The following SLCO3A1 variants were observed in gnomAD, a reference collection of about 807,000 sequenced individuals.
SLCO3A1 encodes the protein PGE1 transporter.
SLCO3A1 carries 27 observed loss-of-function variants against 63.1 expected under a neutral mutation model. The observed-to-expected ratio is 0.43, with a 90% CI of 0.32 to 0.59. SLCO3A1 has a LOEUF of 0.59. Ranked by LOEUF, SLCO3A1 falls within the 20% of genes least tolerant of loss-of-function variation. The pLI, the probability that SLCO3A1 is intolerant of heterozygous loss-of-function variation, is 0.09. For missense variants in SLCO3A1, 773 were observed against 945.8 expected, an observed-to-expected ratio of 0.82 and a Z score of 2.40; for synonymous variants, 473 against 409.9, an observed-to-expected ratio of 1.15 and a Z score of -1.86.
At chr15:92,065,429 A>T (rs12917096) in intron 2 of SLCO3A1, among the ~76,000 whole-genome samples, 27 of 151,978 alleles carry the variant, frequency 1.8e-4, no homozygotes, top group Non-Finnish European at 2.9e-4. Flanking sequence ...TGCTTGTATC[A>T]GAATATCACA....
chr15:91,866,977 C>T (rs758833658), intron 1 of SLCO3A1, among the ~76,000 whole-genome samples: 2 of 152,090 alleles, frequency 1.3e-5, no homozygotes, highest in Non-Finnish European at 1.5e-5. Flanking sequence ...CAAGTGGAAC[C>T]GTTGGTGAGA....
intron 1 of SLCO3A1, among the ~76,000 whole-genome samples, chr15:91,899,603 C>T (rs1898101002): frequency 6.6e-6 from 1 of 152,064 alleles, no homozygotes; most frequent in South Asian, 2.1e-4. Context: ...TGTCTTTTTT[C>T]CATTTTATTG....
At chr15:92,134,332 A>T (rs1281959631) in intron 7 of SLCO3A1, among the ~76,000 whole-genome samples, 1 of 152,194 alleles carries the variant, frequency 6.6e-6, no homozygotes, top group African/African-American at 2.4e-5. Context: ...ATCAAACCCT[A>T]CTGGGGCATC....
chr15:91,867,088 T>C (rs1442540364), intron 1 of SLCO3A1, among the ~76,000 whole-genome samples: 1 of 152,170 alleles, frequency 6.6e-6, no homozygotes, highest in Admixed American at 6.5e-5. Flanking sequence ...CTGGGGCATG[T>C]CAGGGCTGGC....
chr15:91,994,441 G>A (rs2046165589), intron 2 of SLCO3A1, among the ~76,000 whole-genome samples: 1 of 152,230 alleles, frequency 6.6e-6, no homozygotes, highest in African/African-American at 2.4e-5. Context: ...AATTGAGCAA[G>A]CAGTCTACCC....
intron 1 of SLCO3A1, among the ~76,000 whole-genome samples, chr15:91,887,710 A>T (rs1029792434): frequency 6.6e-6 from 1 of 152,198 alleles, no homozygotes; most frequent in Non-Finnish European, 1.5e-5. Flanking sequence ...TTGATGAAAG[A>T]TATTCGAGGT....
At position 91,941,539 on chromosome 15, in the gene SLCO3A1, T is replaced by A. The variant is rs963613218; in HGVS notation, c.646+25081T>A. On this transcript the variant is annotated intron_variant, in intron 2 of 9. Coordinates refer to ENST00000318445, the MANE Select transcript of SLCO3A1 (RefSeq NM_013272.4). This position sits in a 1 kb window ranked among gnomAD's most constrained non-coding sequence, Gnocchi z 4.4. ...TACCTAGCTTTTCTGAGCCTCACTT[T>A]CTTGGCAATTAGATGAACCAGAGGT... The A allele has an allele frequency of 4.4e-6, 2 of 455,906 alleles. No homozygotes were observed. Among genetic ancestry groups the A allele is most frequent in the Admixed American group, 2.3e-5 (1 of 42,554 alleles). 28.2% of individuals were successfully genotyped at this position (455,906 alleles called of 1,614,324 possible). A position where few individuals can be genotyped will look rare whatever the true frequency, so the allele number is the denominator to read the frequency against.
chr15:91,880,395 C>CTGTGTGTGTGTGTGTGTG (rs71156619), intron 1 of SLCO3A1, among the ~76,000 whole-genome samples: 3 of 90,002 alleles, frequency 3.3e-5, no homozygotes, highest in East Asian at 5.2e-4. Context: ...CTCTCTCTCT[C>CTGTGTGTGTGTGTGTGTG]TCTCTCTCTC....
chr15:92,079,498 G>C (rs952486436), intron 2 of SLCO3A1, among the ~76,000 whole-genome samples: 5 of 152,242 alleles, frequency 3.3e-5, no homozygotes, highest in African/African-American at 4.8e-5. Flanking sequence ...TCTGTCCTCT[G>C]TACCTGAGCT....
At chr15:91,925,430 G>C (rs902511682) in intron 2 of SLCO3A1, among the ~76,000 whole-genome samples, 1 of 151,468 alleles carries the variant, frequency 6.6e-6, no homozygotes, top group Non-Finnish European at 1.5e-5. Flanking sequence ...CCTCACAGAA[G>C]AGTCTCTTGT....
chr15:91,990,240 G>A (rs2151443360), intron 2 of SLCO3A1, among the ~76,000 whole-genome samples: 1 of 152,286 alleles, frequency 6.6e-6, no homozygotes, highest in East Asian at 1.9e-4. Context: ...CTAGAGTTTT[G>A]TGAAATTGCT....
chr15:92,013,952 G>A (rs545527454), intron 2 of SLCO3A1, among the ~76,000 whole-genome samples: 81 of 152,292 alleles, frequency 5.3e-4, no homozygotes, highest in African/African-American at 1.9e-3. Context: ...GTAAAAGGCT[G>A]AGCGTACAGT....
At chr15:92,140,645 T>C (rs1241035506) in intron 7 of SLCO3A1, among the ~76,000 whole-genome samples, 1 of 152,188 alleles carries the variant, frequency 6.6e-6, no homozygotes, top group Non-Finnish European at 1.5e-5. Flanking sequence ...AGGACTTGCT[T>C]TATGAAACTG....
intron 2 of SLCO3A1, among the ~76,000 whole-genome samples, chr15:92,060,581 C>A (rs1029768003): frequency 9.2e-5 from 14 of 151,782 alleles, no homozygotes; most frequent in African/African-American, 2.9e-4. Context: ...CTCACTGCAA[C>A]CTCCGCCTCC....
At chr15:91,987,384 A>G (rs1292235773) in intron 2 of SLCO3A1, among the ~76,000 whole-genome samples, 1 of 152,188 alleles carries the variant, frequency 6.6e-6, no homozygotes, top group Non-Finnish European at 1.5e-5. Flanking sequence ...TGGGGATACA[A>G]CGGTGAACAA....
intron 2 of SLCO3A1, among the ~76,000 whole-genome samples, chr15:92,010,885 C>T (rs1000675124): frequency 1.3e-5 from 2 of 152,214 alleles, no homozygotes; most frequent in African/African-American, 4.8e-5. Flanking sequence ...CCCTACTCCT[C>T]ACCACCTCCA....
At chr15:92,047,716 T>C (rs1305786091) in intron 2 of SLCO3A1, among the ~76,000 whole-genome samples, 1 of 141,920 alleles carries the variant, frequency 7.0e-6, no homozygotes, top group African/African-American at 2.6e-5. Context: ...CCTGTGTCAT[T>C]CAAAACCTAT....
At position 91,907,904 on chromosome 15, in the gene SLCO3A1, A is replaced by G. The variant is rs145572488; in HGVS notation, c.181-8089A>G. Among the ~76,000 whole-genome samples the G allele has an allele frequency of 1.6e-3, 239 of 152,230 alleles. 3 individuals carry two copies. The highest frequency in any genetic ancestry group is 0.012 in the East Asian group (60 of 5,178). On this transcript the variant is annotated intron_variant, in intron 1 of 9. Transcript: ENST00000318445. Reference sequence around the variant, plus strand: ...GATCAGAGAGAACGATAGTGCCCCTATGAAAGACCCAGGTGTAGAGAGGGC... The same window carrying G: ...GATCAGAGAGAACGATAGTGCCCCTGTGAAAGACCCAGGTGTAGAGAGGGC...
chr15:92,146,193 C>G, intron 7 of SLCO3A1, among the ~76,000 whole-genome samples: 1 of 152,330 alleles, frequency 6.6e-6, no homozygotes, highest in Non-Finnish European at 1.5e-5. Context: ...GGCACTGCCT[C>G]TCCCAGCCCC....
Sources: gnomAD v4.1 joint callset for allele counts (sites outside exome capture counted in the v4.1 genomes callset) on GRCh38, gnomAD v4.1.1 for gene constraint, Gnocchi (gnomAD v3.1) non-coding constraint, MANE v1.5 for transcripts, NCBI Gene and HGNC (gene_info 2026-07-23, HGNC 2026-07-21) for gene names.